Variants in RFX3 observed in about 807,000 individuals in gnomAD.
RFX3 encodes the protein regulatory factor X3, also known as transcription factor RFX3.
Under a neutral mutation model 98.6 loss-of-function variants are expected in RFX3, and 14 were observed. The observed-to-expected ratio is 0.14, with a 90% confidence interval of 0.09 to 0.22. RFX3 has a LOEUF of 0.22. Ranked by LOEUF, RFX3 falls within the 10% of genes least tolerant of loss-of-function variation. The pLI, the probability that RFX3 is intolerant of heterozygous loss-of-function variation, is 1.00. For synonymous variants in RFX3, 383 were observed against 328.4 expected (o/e 1.17, Z -1.80); for missense variants, 639 against 926.9 (o/e 0.69, Z 4.03).
chr9:3,403,783 C>T (rs2132061917), intron 1 of RFX3, among the ~76,000 whole-genome samples: 1 of 152,254 alleles, frequency 6.6e-6, no homozygotes, highest in South Asian at 2.1e-4. Context: ...TAAAAGGCAG[C>T]ATTATTTACA....
At chr9:3,429,964 A>G (rs1310107811) in intron 1 of RFX3, among the ~76,000 whole-genome samples, 1 of 152,106 alleles carries the variant, frequency 6.6e-6, no homozygotes, top group Non-Finnish European at 1.5e-5. Flanking sequence ...ACAACTCTTA[A>G]AGTCTCAAAC....
chr9:3,413,153 T>A lies in RFX3; in HGVS notation c.-8-17557A>T, dbSNP rs10971865. Reference sequence around the variant, plus strand: ...TTTTTTTTTCAGTTACAACCTATTCTCCTAAGGATACTAGTCCCAGCTTTT... The same window carrying A: ...TTTTTTTTTCAGTTACAACCTATTCACCTAAGGATACTAGTCCCAGCTTTT... On this transcript the variant is annotated intron_variant, in intron 1 of 16. Transcript: ENST00000617270. Among the ~76,000 whole-genome samples the A allele has an allele frequency of 7.8e-3, 1,187 of 151,982 alleles. 5 individuals carry two copies. The highest frequency in any genetic ancestry group is 0.013 in the Admixed American group (199 of 15,252).
chr9:3,397,591 A>G (rs1564045537), intron 1 of RFX3, among the ~76,000 whole-genome samples: 1 of 152,184 alleles, frequency 6.6e-6, no homozygotes, highest in African/African-American at 2.4e-5. Context: ...CAGAGAGATT[A>G]AGAGACTTGT....
chr9:3,246,588 G>C (rs1292474252), intron 15 of RFX3, among the ~76,000 whole-genome samples: 2 of 152,172 alleles, frequency 1.3e-5, no homozygotes, highest in Non-Finnish European at 2.9e-5. Flanking sequence ...TAAAAGGCAA[G>C]GTCCATTTCT....
At chr9:3,479,056 G>A (rs1295273213) in intron 1 of RFX3, among the ~76,000 whole-genome samples, 1 of 152,174 alleles carries the variant, frequency 6.6e-6, no homozygotes, top group Non-Finnish European at 1.5e-5. Flanking sequence ...GAAGTGGTCA[G>A]CTCTCTCCAT....
intron 1 of RFX3, among the ~76,000 whole-genome samples, chr9:3,408,604 T>C (rs977151249): frequency 2.0e-5 from 3 of 151,304 alleles, no homozygotes; most frequent in Non-Finnish European, 2.9e-5. Context: ...TCTCTCTCTC[T>C]CTCTCTCTCA....
At position 3,227,799 on chromosome 9, in the gene RFX3, T is replaced by C. The variant is rs2130623410; in HGVS notation, c.2011+1048A>G. Among the ~76,000 whole-genome samples, 4 of 152,300 alleles carry C rather than the reference T, an allele frequency of 2.6e-5. No homozygotes were observed. The South Asian group carries it at 8.3e-4, about 32-fold the overall frequency. ...GGGTTATTTGGTTAATCCTATAGAG[T>C]ATATATTTGTAGCAACAATTTTTTT... is the stretch of plus-strand genomic sequence containing the variant. On this transcript the variant is annotated intron_variant, in intron 16 of 16. Transcript: ENST00000617270.
chr9:3,520,192 A>G (rs1202941985), intron 1 of RFX3, among the ~76,000 whole-genome samples: 1 of 152,246 alleles, frequency 6.6e-6, no homozygotes, highest in East Asian at 1.9e-4. Context: ...AACCTATTTT[A>G]GCAAGACCAG....
chr9:3,335,741 G>A (rs908513612), intron 3 of RFX3, among the ~76,000 whole-genome samples: 5 of 152,054 alleles, frequency 3.3e-5, no homozygotes, highest in South Asian at 2.1e-4. Flanking sequence ...TGAACACATC[G>A]ATATGTGTAT....
intron 1 of RFX3, among the ~76,000 whole-genome samples, chr9:3,405,573 C>T (rs1177125150): frequency 6.6e-6 from 1 of 152,174 alleles, no homozygotes; most frequent in African/African-American, 2.4e-5. Flanking sequence ...AATTCAAATT[C>T]TACTGACGGC....
intron 1 of RFX3, chr9:3,489,470 A>C (rs1035542664): frequency 3.1e-6 from 3 of 970,018 alleles, no homozygotes; most frequent in Non-Finnish European, 3.7e-6. Flanking sequence ...TAACAAAACT[A>C]TTATTGAGTA....
At chr9:3,521,460 T>G (rs561970321) in intron 1 of RFX3, among the ~76,000 whole-genome samples, 7 of 152,170 alleles carry the variant, frequency 4.6e-5, no homozygotes, top group Non-Finnish European at 1.0e-4. Context: ...AAAGTTCTAG[T>G]GAGTTCACAT....
intron 1 of RFX3, among the ~76,000 whole-genome samples, chr9:3,518,917 A>T (rs957408043): frequency 6.6e-6 from 1 of 152,210 alleles, no homozygotes; most frequent in South Asian, 2.1e-4. Context: ...TAAAGTAACA[A>T]TTCTAAGCAA....
At position 3,407,364 on chromosome 9, in the gene RFX3, A is replaced by G. The variant is rs145577248; in HGVS notation, c.-8-11768T>C. On this transcript the variant is annotated intron_variant, in intron 1 of 16. Transcript: ENST00000617270. ...GTACAGAAATCCTGATGTAGGTACT[A>G]TTATTATCCCATTTATTATGGATGA... is the stretch of plus-strand genomic sequence containing the variant. Among the ~76,000 whole-genome samples, 544 of 152,296 alleles carry G rather than the reference A, an allele frequency of 3.6e-3. 2 individuals carry two copies. Among genetic ancestry groups the G allele is most frequent in the Non-Finnish European group, 4.2e-3 (289 of 68,006 alleles).
Position 3,346,681 on chromosome 9 carries a change from A to G in RFX3, c.201T>C (p.Tyr67=). The G allele has an allele frequency of 6.2e-7, 1 of 1,608,706 alleles. No individual in the cohort carries two copies. The highest frequency in any genetic ancestry group is 8.5e-7 in the Non-Finnish European group (1 of 1,175,116). Residue 67 remains tyrosine, a synonymous_variant, in exon 3 of 17, where the codon TAT becomes TAC. Transcript: ENST00000617270. ...TATAAACTTACATTGCTCCATTGGTATAGACAGTATCGCTTCCTTCCACAT... is the reference window on the plus strand; with the variant it reads ...TATAAACTTACATTGCTCCATTGGTGTAGACAGTATCGCTTCCTTCCACAT... ...VQYVEGSDTV[Y]TNGAIRTTTY...
chr9:3,524,807 G>A (rs1394678604), intron 1 of RFX3, among the ~76,000 whole-genome samples: 1 of 145,248 alleles, frequency 6.9e-6, no homozygotes, highest in African/African-American at 2.6e-5. Context: ...CAGATGCCCT[G>A]CATCCGGTTT....
chr9:3,508,277 T>G (rs1462859599), intron 1 of RFX3, among the ~76,000 whole-genome samples: 4 of 151,984 alleles, frequency 2.6e-5, no homozygotes, highest in African/African-American at 9.7e-5. Flanking sequence ...ATCTCTATAT[T>G]CAAATCCCAA....
intron 3 of RFX3, among the ~76,000 whole-genome samples, chr9:3,332,988 A>G (rs1480422598): frequency 1.3e-5 from 2 of 152,140 alleles, no homozygotes; most frequent in Non-Finnish European, 2.9e-5. Flanking sequence ...TATGTTCTGT[A>G]CTTTCCCAAC....
intron 1 of RFX3, among the ~76,000 whole-genome samples, chr9:3,487,507 G>T (rs1039203097): frequency 6.6e-6 from 1 of 152,104 alleles, no homozygotes; most frequent in Non-Finnish European, 1.5e-5. Flanking sequence ...AAAGTAAACT[G>T]CCAAGAGTGT....
Sources: allele counts gnomAD v4.1 joint callset (sites outside exome capture counted in the v4.1 genomes callset), GRCh38; gene constraint gnomAD v4.1.1; transcripts MANE v1.5; gene names NCBI Gene and HGNC (gene_info 2026-07-23, HGNC 2026-07-21).